The following BTBD9 variants were observed in gnomAD, a reference collection of about 807,000 sequenced individuals.
BTBD9 encodes BTB domain containing 9.
A neutral mutation model predicts 64.3 loss-of-function variants in BTBD9; 49 were observed. The observed-to-expected ratio is 0.76, with a 90% CI of 0.61 to 0.97. The LOEUF is 0.97. Ranked by LOEUF, BTBD9 falls within the 50% of genes least tolerant of loss-of-function variation. The pLI is 0.00. For synonymous variants in BTBD9, 260 were observed against 274.7 expected, an observed-to-expected ratio of 0.95 and a Z score of 0.53; for missense variants, 598 against 762.1, an observed-to-expected ratio of 0.78 and a Z score of 2.53.
chr6:38,334,659 C>T (rs201538382), intron 7 of BTBD9, among the ~76,000 whole-genome samples: 133 of 115,182 alleles, frequency 1.2e-3, no homozygotes, highest in Admixed American at 6.3e-3. Flanking sequence ...TAAAATAAAA[C>T]AAAACAAAAC....
chr6:38,520,410 G>A (rs780307647), intron 6 of BTBD9, among the ~76,000 whole-genome samples: 5 of 151,626 alleles, frequency 3.3e-5, no homozygotes, highest in Non-Finnish European at 7.4e-5. Context: ...GCAGTGAGCC[G>A]AGATCACACC....
intron 6 of BTBD9, among the ~76,000 whole-genome samples, chr6:38,436,372 A>ATTTTTTTTT (rs10647439): frequency 8.5e-6 from 1 of 118,322 alleles, no homozygotes; most frequent in Non-Finnish European, 1.7e-5. Flanking sequence ...CCCCAATTCT[A>ATTTTTTTTT]TTTTTTTTTT....
At chr6:38,575,075 A>G (rs1283503908) in intron 6 of BTBD9, among the ~76,000 whole-genome samples, 1 of 152,246 alleles carries the variant, frequency 6.6e-6, no homozygotes, top group Non-Finnish European at 1.5e-5. Context: ...CTCCAAATTC[A>G]GTTTCCTGAA....
chr6:38,571,725 G>A (rs1344399610), intron 6 of BTBD9: 1 of 152,360 alleles, frequency 6.6e-6, no homozygotes, highest in African/African-American at 2.4e-5. Flanking sequence ...TTGTGAGGCT[G>A]AAGCAGTCAG....
chr6:38,577,470 C>T, intron 6 of BTBD9, 130 bp downstream of exon 6: 1 of 869,240 alleles, frequency 1.2e-6, no homozygotes, highest in Non-Finnish European at 1.7e-6. Context: ...AAGTTTTTTA[C>T]TTGGGATATG....
chr6:38,411,940 T>G (rs559484416), intron 6 of BTBD9, among the ~76,000 whole-genome samples: 2 of 152,114 alleles, frequency 1.3e-5, no homozygotes, highest in East Asian at 3.9e-4. Flanking sequence ...TATATATATA[T>G]ATGTGTACAC....
chr6:38,228,698 A>T (rs539738314), intron 9 of BTBD9, among the ~76,000 whole-genome samples: 9 of 151,338 alleles, frequency 5.9e-5, no homozygotes, highest in African/African-American at 1.9e-4. Flanking sequence ...ACATGGTGAA[A>T]CCCCGTCTCT....
chr6:38,415,540 C>T (rs1220383389), intron 6 of BTBD9, among the ~76,000 whole-genome samples: 9 of 152,132 alleles, frequency 5.9e-5, no homozygotes, highest in Admixed American at 1.3e-4. Context: ...ATAATTATTT[C>T]GTGTTGTTTT....
intron 2 of BTBD9, among the ~76,000 whole-genome samples, chr6:38,596,436 T>G (rs2127495844): frequency 6.6e-6 from 1 of 152,188 alleles, no homozygotes; most frequent in African/African-American, 2.4e-5. Context: ...TTCAAATTAT[T>G]TTTGAAAGAG....
At chr6:38,336,491 A>T (rs1364107951) in intron 7 of BTBD9, among the ~76,000 whole-genome samples, 1 of 152,156 alleles carries the variant, frequency 6.6e-6, no homozygotes, top group East Asian at 1.9e-4. Context: ...GAAGTGCCGA[A>T]AAAAGGGGGA....
At chr6:38,565,118 G>A (rs1055153748) in intron 6 of BTBD9, among the ~76,000 whole-genome samples, 1 of 151,682 alleles carries the variant, frequency 6.6e-6, no homozygotes, top group East Asian at 1.9e-4. Context: ...CAATCATAAA[G>A]TTTGACTGGT....
intron 6 of BTBD9, among the ~76,000 whole-genome samples, chr6:38,576,177 A>G (rs180996208): frequency 6.6e-6 from 1 of 152,122 alleles, no homozygotes; most frequent in African/African-American, 2.4e-5. Flanking sequence ...AATCAGATAC[A>G]ACAGTAATAA....
intron 10 of BTBD9, among the ~76,000 whole-genome samples, chr6:38,178,443 G>A (rs890336643): frequency 1.3e-5 from 2 of 152,258 alleles, no homozygotes; most frequent in African/African-American, 4.8e-5. Context: ...CACCTCCTAC[G>A]TGCCTGACTG....
At chr6:38,524,295 T>C (rs1264711405) in intron 6 of BTBD9, among the ~76,000 whole-genome samples, 1 of 152,054 alleles carries the variant, frequency 6.6e-6, no homozygotes, top group African/African-American at 2.4e-5. Flanking sequence ...TTCCAAATGA[T>C]AGAACAGTAT....
intron 6 of BTBD9, among the ~76,000 whole-genome samples, chr6:38,437,083 T>A (rs568882628): frequency 1.3e-5 from 2 of 152,326 alleles, no homozygotes; most frequent in African/African-American, 4.8e-5. Flanking sequence ...ATATTAAGCA[T>A]CTAATTAATA....
intron 6 of BTBD9, among the ~76,000 whole-genome samples, chr6:38,530,693 A>T (rs938362833): frequency 2.0e-5 from 3 of 152,192 alleles, no homozygotes; most frequent in Non-Finnish European, 4.4e-5. Context: ...TCAGACAGAG[A>T]ATTCAAAATG....
chr6:38,301,807 C>T (rs917937327), intron 7 of BTBD9, among the ~76,000 whole-genome samples: 1 of 152,090 alleles, frequency 6.6e-6, no homozygotes, highest in Non-Finnish European at 1.5e-5. Flanking sequence ...TTTCAGAAAA[C>T]CAGCTCCTGG....
intron 9 of BTBD9, among the ~76,000 whole-genome samples, chr6:38,235,665 C>G (rs542247161): frequency 1.4e-4 from 22 of 152,256 alleles, no homozygotes; most frequent in African/African-American, 2.4e-5. Flanking sequence ...AGGAGACCAA[C>G]AGAAATCAGG....
intron 6 of BTBD9, among the ~76,000 whole-genome samples, chr6:38,554,565 A>C (rs1028265544): frequency 6.6e-6 from 1 of 152,230 alleles, no homozygotes; most frequent in African/African-American, 2.4e-5. Context: ...TCCCAAAAAA[A>C]TAATCTTCTG....
Sources: gnomAD v4.1 joint callset for allele counts (sites outside exome capture counted in the v4.1 genomes callset) on GRCh38, gnomAD v4.1.1 for gene constraint, MANE v1.5 for transcripts, NCBI Gene and HGNC (gene_info 2026-07-23, HGNC 2026-07-21) for gene names.